Variants in HSPBP1 observed in about 807,000 individuals in gnomAD.
HSPBP1 encodes the protein hsp70-binding protein 1.
In HSPBP1, 31 loss-of-function variants were observed where a neutral mutation model predicts 41.7. The observed-to-expected ratio is 0.74, with a 90% CI of 0.56 to 1.00. The LOEUF (loss-of-function observed/expected upper bound fraction) is 1.00, where lower values mean the gene tolerates loss of function less well. Ranked by LOEUF, HSPBP1 falls within the 50% of genes least tolerant of loss-of-function variation. The pLI, the probability that HSPBP1 is intolerant of heterozygous loss-of-function variation, is 0.00. For synonymous variants in HSPBP1, 199 were observed against 214.4 expected (o/e 0.93, Z 0.63); for missense variants, 439 against 487.9 (o/e 0.90, Z 0.94).
rs747281033 is a variant in HSPBP1, at chr19:55,274,609, C to G, written c.429G>C (p.Leu143=). 6.2e-7 allele frequency: 1 copy of G among 1,605,382 alleles called. No individual in the cohort carries two copies. Among genetic ancestry groups the G allele is most frequent in the Non-Finnish European group, 8.5e-7 (1 of 1,178,634 alleles). Reference sequence around the variant, plus strand: ...GGCCCACCAGCAGGTGCATGCCAGACAGCTGGCAGAAGTCTGTGCCACAGA... The same window carrying G: ...GGCCCACCAGCAGGTGCATGCCAGAGAGCTGGCAGAAGTCTGTGCCACAGA... ...NMDNAADFCQ[L]SGMHLLVGRY... Residue 143 remains leucine (L), a synonymous_variant, in exon 4 of 8, where the codon CTG becomes CTC. Transcript: ENST00000433386.
rs1214628012 is a variant in HSPBP1, at chr19:55,266,174, T to G, written c.753A>C (p.Ala251=). The part of the protein sequence containing the change: ...QQVQKLKVKS[A]FLLQNLLVGH... ...CCACCAGCAGGTTCTGCAGCAGGAA[T>G]GCTGATTTGACCTTGAGCTTCTGCA... Residue 251 remains alanine (A), a synonymous_variant, in exon 5 of 8, where the codon GCA becomes GCC. Transcript: ENST00000433386. The G allele has an allele frequency of 6.3e-7, 1 of 1,593,558 alleles. No homozygotes were observed. Among genetic ancestry groups the G allele is most frequent in the East Asian group, 2.3e-5 (1 of 43,984 alleles).
rs1423590861 is a variant in HSPBP1 at position 55,262,255 on chromosome 19, TC to T, written c.*352del. 2.4e-5 allele frequency: 12 copies of T among 509,204 alleles called. No homozygotes were observed. Among genetic ancestry groups the T allele is most frequent in the Admixed American group, 5.6e-5 (1 of 17,990 alleles). The allele number at this position is 509,204 out of a possible 1,614,324, so 31.5% of individuals were successfully genotyped here. On this transcript the variant is annotated 3_prime_UTR_variant, in exon 8 of 8. Transcript: ENST00000433386. ...TAAAGAGCAACACTTTTATTATTCT[TC>T]CAGTGGCTCCCCAAGTCCCTTAAAC...
At chr19:55,267,118 C>G (rs1199094550) in intron 4 of HSPBP1, among the ~76,000 whole-genome samples, 1 of 152,088 alleles carries the variant, frequency 6.6e-6, no homozygotes, top group African/African-American at 2.4e-5. Flanking sequence ...ATGGAAGCAT[C>G]ATCTTTTTTA....
Position 55,272,887 on chromosome 19 carries a change from G to C in HSPBP1, c.640+1511C>G, listed in dbSNP as rs983947265. On this transcript the variant is annotated intron_variant, in intron 4 of 7. Coordinates refer to ENST00000433386, the MANE Select transcript of HSPBP1 (RefSeq NM_012267.5). This position sits in a 1 kb window ranked among gnomAD's most constrained non-coding sequence, Gnocchi z 4.2. ...GAAGAAAATGTTCCAAAATTAGATAGTGACTGCCGATAGCCATACCACCCC... is the reference window on the plus strand; with the variant it reads ...GAAGAAAATGTTCCAAAATTAGATACTGACTGCCGATAGCCATACCACCCC... Among the ~76,000 whole-genome samples the C allele has an allele frequency of 2.6e-5, 4 of 152,128 alleles. No individual in the cohort carries two copies. Among genetic ancestry groups the C allele is most frequent in the Admixed American group, 1.3e-4 (2 of 15,272 alleles).
At chr19:55,264,591 T>C (rs1238152798) in intron 7 of HSPBP1, among the ~76,000 whole-genome samples, 1 of 152,146 alleles carries the variant, frequency 6.6e-6, no homozygotes, top group East Asian at 1.9e-4. Flanking sequence ...TTGCCATTTG[T>C]TATTTCTTGT....
chr19:55,275,128 T>C (rs2088037666), intron 3 of HSPBP1, among the ~76,000 whole-genome samples: 1 of 152,124 alleles, frequency 6.6e-6, no homozygotes, highest in Non-Finnish European at 1.5e-5. Context: ...CCAAGGCTAG[T>C]ACAACTCGAT....
rs370067172 is a variant in HSPBP1 at position 55,278,422 on chromosome 19, G to C, written c.211-576C>G. Among the ~76,000 whole-genome samples, 5 of 152,158 alleles carry C rather than the reference G, an allele frequency of 3.3e-5. No homozygotes were observed. The East Asian group carries it at 5.8e-4, about 18-fold the overall frequency. ...TTCAATGATATCATATATGTAAGTG[G>C]GTTAGCATAATGCTCTGTATACAGT... On this transcript the variant is annotated intron_variant, in intron 2 of 7. Transcript: ENST00000433386.
intron 6 of HSPBP1, 138 bp from the exon 7 acceptor site, chr19:55,265,527 C>A: frequency 1.4e-6 from 1 of 730,832 alleles, no homozygotes; most frequent in Non-Finnish European, 2.4e-6. Context: ...ATTTCCCCAT[C>A]TGCGGAATGG....
At chr19:55,278,865 G>C (rs1044279622) in intron 2 of HSPBP1, among the ~76,000 whole-genome samples, 1 of 149,606 alleles carries the variant, frequency 6.7e-6, no homozygotes, top group African/African-American at 2.5e-5. Context: ...AGTGAGCCAA[G>C]ACTGCGCCTC....
chr19:55,278,918 C>A (rs1204486105), intron 2 of HSPBP1, among the ~76,000 whole-genome samples: 2 of 144,852 alleles, frequency 1.4e-5, no homozygotes, highest in African/African-American at 2.5e-5. Flanking sequence ...CAACCCTGCC[C>A]CCACCAAAAA....
At chr19:55,279,113 G>C (rs1404091213) in intron 2 of HSPBP1, among the ~76,000 whole-genome samples, 1 of 151,974 alleles carries the variant, frequency 6.6e-6, no homozygotes, top group Non-Finnish European at 1.5e-5. Flanking sequence ...TTGAGATTCA[G>C]AAAGATGAAG....
In HSPBP1 at chr19:55,279,486, G is replaced by A. The variant is rs747015557; in HGVS notation, c.123C>T (p.Pro41=). The A allele has an allele frequency of 1.2e-6, 2 of 1,606,338 alleles. No homozygotes were observed. The highest frequency in any genetic ancestry group is 2.2e-5 in the South Asian group (2 of 90,562). The part of the protein sequence containing the change: ...SSAGGSGNSR[P]PRNLQGLLQM... ...GCAGCAAGCCTTGGAGGTTGCGTGGGGGCCGGGAATTGCCCGAGCCCCCAG... is the reference window on the plus strand; with the variant it reads ...GCAGCAAGCCTTGGAGGTTGCGTGGAGGCCGGGAATTGCCCGAGCCCCCAG... Residue 41 remains proline, a synonymous_variant, in exon 2 of 8, where the codon CCC becomes CCT. Transcript: ENST00000433386.
rs1031611855 is a variant in HSPBP1, at chr19:55,279,499, C to G, written c.110G>C (p.Gly37Ala). 6.3e-7 allele frequency: 1 copy of G among 1,599,914 alleles called. No homozygotes were observed. Among genetic ancestry groups the G allele is most frequent in the African/African-American group, 1.4e-5 (1 of 71,490 alleles). Residue 37 changes from glycine (G) to alanine (A), a missense_variant, in exon 2 of 8, where the codon GGC becomes GCC. Coordinates refer to ENST00000433386, the MANE Select transcript of HSPBP1 (RefSeq NM_012267.5). ...GGGGSSAGGSGNSRPPRNLQG... is the reference protein window; with the variant it reads ...GGGGSSAGGSANSRPPRNLQG... Reference sequence around the variant, plus strand: ...GAGGTTGCGTGGGGGCCGGGAATTGCCCGAGCCCCCAGCCGAGGAGCCGCC... The same window carrying G: ...GAGGTTGCGTGGGGGCCGGGAATTGGCCGAGCCCCCAGCCGAGGAGCCGCC...
rs1018578745 is a variant in HSPBP1, at chr19:55,270,645, G to A, written c.640+3753C>T. On this transcript the variant is annotated intron_variant, in intron 4 of 7. Transcript: ENST00000433386. This position sits in a 1 kb window ranked among gnomAD's most constrained non-coding sequence, Gnocchi z 5.4. ...GCCTGTGCCAGCCGTGCACATCTGAGGAAACGAGATTAATCCGTGTGTCTG... is the reference window on the plus strand; with the variant it reads ...GCCTGTGCCAGCCGTGCACATCTGAAGAAACGAGATTAATCCGTGTGTCTG... Among the ~76,000 whole-genome samples, 5 of 152,082 alleles carry A rather than the reference G, an allele frequency of 3.3e-5. No individual in the cohort carries two copies. Among genetic ancestry groups the A allele is most frequent in the African/African-American group, 1.2e-4 (5 of 41,378 alleles).
At chr19:55,273,411 A>C (rs2087976977) in intron 4 of HSPBP1, among the ~76,000 whole-genome samples, 1 of 152,202 alleles carries the variant, frequency 6.6e-6, no homozygotes, top group Admixed American at 6.5e-5. Flanking sequence ...TAGCACATGC[A>C]GGCAGGCATC....
At chr19:55,279,884 A>C in intron 1 of HSPBP1, 151 bp downstream of exon 1, 2 of 602,168 alleles carry the variant, frequency 3.3e-6, no homozygotes, top group Non-Finnish European at 5.7e-6. Flanking sequence ...CCTGGCAACA[A>C]CCCCCCTTCC....
intron 4 of HSPBP1, 64 bp from the exon 5 acceptor site, chr19:55,266,350 C>T: frequency 1.4e-6 from 2 of 1,478,652 alleles, no homozygotes; most frequent in Non-Finnish European, 1.8e-6. Context: ...TCACAAGCAC[C>T]ATCACCAACA....
At chr19:55,278,013 G>A (rs756800277) in intron 2 of HSPBP1, among the ~76,000 whole-genome samples, 167 bp from the exon 3 acceptor site, 1 of 152,220 alleles carries the variant, frequency 6.6e-6, no homozygotes, top group East Asian at 1.9e-4. Flanking sequence ...TTGGGAGGCC[G>A]AGGTGGGTAG....
At chr19:55,271,041 C>T (rs1181103522) in intron 4 of HSPBP1, among the ~76,000 whole-genome samples, 2 of 152,004 alleles carry the variant, frequency 1.3e-5, no homozygotes, top group East Asian at 3.8e-4. Context: ...ACACACCACA[C>T]ACACCCACAT....
Sources: gnomAD v4.1 joint callset for allele counts (sites outside exome capture counted in the v4.1 genomes callset) on GRCh38, gnomAD v4.1.1 for gene constraint, Gnocchi (gnomAD v3.1) non-coding constraint, MANE v1.5 for transcripts, NCBI Gene and HGNC (gene_info 2026-07-23, HGNC 2026-07-21) for gene names.